SPMIP2: variants seen among roughly 807,000 people sequenced by gnomAD.
SPMIP2 encodes protein SPMIP2.
chr4:158,959,736 T>C, the SPMIP2 span, among the ~76,000 whole-genome samples: 1 of 152,206 alleles, frequency 6.6e-6, no homozygotes, highest in Admixed American at 6.5e-5. Flanking sequence ...TATACCTAGA[T>C]GACAAGTCAG....
chr4:159,016,140 T>G, the SPMIP2 span, among the ~76,000 whole-genome samples: 1 of 152,214 alleles, frequency 6.6e-6, no homozygotes, highest in African/African-American at 2.4e-5. Flanking sequence ...AATCAAATAC[T>G]TGTGAAACAC....
At chr4:158,918,562 T>C in the SPMIP2 span, among the ~76,000 whole-genome samples, 1 of 152,178 alleles carries the variant, frequency 6.6e-6, no homozygotes, top group Non-Finnish European at 1.5e-5. Context: ...AAAAGAAAAA[T>C]CCTTGGCCGT....
chr4:159,013,343 G>A, the SPMIP2 span, among the ~76,000 whole-genome samples: 2 of 152,202 alleles, frequency 1.3e-5, no homozygotes, highest in Non-Finnish European at 2.9e-5. Context: ...CAAGTGTGGT[G>A]TATACATATG....
chr4:158,974,745 T>C, the SPMIP2 span, among the ~76,000 whole-genome samples: 22 of 152,316 alleles, frequency 1.4e-4, no homozygotes, highest in Non-Finnish European at 2.8e-4. Context: ...TCTTTGCTAC[T>C]GTGAATAGTG....
At chr4:158,956,740 A>G in the SPMIP2 span, among the ~76,000 whole-genome samples, 2 of 152,100 alleles carry the variant, frequency 1.3e-5, no homozygotes. Context: ...CTTCCCCATC[A>G]TTATAACAAA....
chr4:159,064,969 T>G, the SPMIP2 span, among the ~76,000 whole-genome samples: 120 of 152,346 alleles, frequency 7.9e-4, no homozygotes, highest in African/African-American at 2.8e-3. Flanking sequence ...TTCCATAGCT[T>G]TGCATTAGTA....
At chr4:158,913,716 C>T in the SPMIP2 span, among the ~76,000 whole-genome samples, 1 of 151,880 alleles carries the variant, frequency 6.6e-6, no homozygotes, top group Non-Finnish European at 1.5e-5. Context: ...GCCTGTAGTC[C>T]TAGCTACTCA....
chr4:158,932,483 T>C, the SPMIP2 span, among the ~76,000 whole-genome samples: 7 of 152,264 alleles, frequency 4.6e-5, no homozygotes, highest in African/African-American at 1.7e-4. Context: ...CATACATACA[T>C]ACATACATAC....
the SPMIP2 span, among the ~76,000 whole-genome samples, chr4:159,042,852 A>G: frequency 6.6e-6 from 1 of 151,982 alleles, no homozygotes; most frequent in Non-Finnish European, 1.5e-5. Context: ...TAGTAGAGAC[A>G]GAGTTTTGCC....
the SPMIP2 span, among the ~76,000 whole-genome samples, chr4:159,003,181 A>G: frequency 6.6e-6 from 1 of 152,112 alleles, no homozygotes; most frequent in Non-Finnish European, 1.5e-5. Context: ...TGTGGTTCGC[A>G]ATTGGTTTAC....
At chr4:158,939,929 T>C in the SPMIP2 span, among the ~76,000 whole-genome samples, 1 of 152,212 alleles carries the variant, frequency 6.6e-6, no homozygotes, top group Non-Finnish European at 1.5e-5. Context: ...TTTAGCATGT[T>C]CCGAGGTCAT....
chr4:159,051,989 A>C, the SPMIP2 span, among the ~76,000 whole-genome samples: 1 of 151,810 alleles, frequency 6.6e-6, no homozygotes, highest in Admixed American at 6.6e-5. Flanking sequence ...GCTACCTACT[A>C]TCAAGCTCAC....
chr4:159,048,066 G>T, the SPMIP2 span, among the ~76,000 whole-genome samples: 1 of 152,186 alleles, frequency 6.6e-6, no homozygotes. Flanking sequence ...CATGCTTTTA[G>T]CGATGTTTTG....
At chr4:159,046,038 T>G in the SPMIP2 span, among the ~76,000 whole-genome samples, 1 of 152,080 alleles carries the variant, frequency 6.6e-6, no homozygotes. Context: ...TCACTTGAGC[T>G]CAGAAGTTCG....
the SPMIP2 span, among the ~76,000 whole-genome samples, chr4:158,936,432 G>A: frequency 3.3e-5 from 5 of 152,196 alleles, no homozygotes; most frequent in Admixed American, 6.5e-5. Context: ...GAAGAGGACC[G>A]GTGCCATATC....
At chr4:159,076,706 T>A in the SPMIP2 span, among the ~76,000 whole-genome samples, 1 of 152,192 alleles carries the variant, frequency 6.6e-6, no homozygotes. Context: ...CTTGCTCTGT[T>A]GCCCAGGTTG....
At chr4:159,045,574 G>T in the SPMIP2 span, among the ~76,000 whole-genome samples, 2 of 152,316 alleles carry the variant, frequency 1.3e-5, no homozygotes, top group South Asian at 2.1e-4. Context: ...AAAGGAATGT[G>T]GGGGTGGGAA....
At chr4:159,012,662 C>T in the SPMIP2 span, among the ~76,000 whole-genome samples, 14 of 152,182 alleles carry the variant, frequency 9.2e-5, no homozygotes, top group African/African-American at 1.7e-4. Context: ...GCCTCAATCT[C>T]GTGGGCTCAA....
the SPMIP2 span, among the ~76,000 whole-genome samples, chr4:159,072,532 T>C: frequency 2.1e-5 from 3 of 144,966 alleles, no homozygotes; most frequent in Non-Finnish European, 4.5e-5. Context: ...GGTACTAACA[T>C]GACTCACTGC....
Sources: gnomAD v4.1 joint callset for allele counts (sites outside exome capture counted in the v4.1 genomes callset) on GRCh38, gnomAD v4.1.1 for gene constraint, MANE v1.5 for transcripts, NCBI Gene and HGNC (gene_info 2026-07-23, HGNC 2026-07-21) for gene names.